Variants in ADAMTSL3 observed in about 807,000 individuals in gnomAD.
The protein encoded by ADAMTSL3 is ADAMTS-like protein 3.
In ADAMTSL3, 128 loss-of-function variants were observed where a neutral mutation model predicts 201.7. That is an observed-to-expected ratio of 0.63 (90% CI 0.55 to 0.73). The LOEUF (loss-of-function observed/expected upper bound fraction) is 0.73. Ranked by LOEUF, ADAMTSL3 falls within the 30% of genes least tolerant of loss-of-function variation. The pLI is 0.00. For synonymous variants in ADAMTSL3, 738 were observed against 748.4 expected (o/e 0.99, Z 0.23); for missense variants, 1,990 against 2,119.6 (o/e 0.94, Z 1.20).
chr15:83,837,577 T>G lies in ADAMTSL3; in HGVS notation c.601-512T>G, dbSNP rs572667972. On this transcript the variant is annotated intron_variant, in intron 6 of 29. Transcript: ENST00000286744. Reference sequence around the variant, plus strand: ...AGGAGGATCACTTGAGCCCAGGAATTCAAGACCAGCCTGGGCAGCATAGGG... The same window carrying G: ...AGGAGGATCACTTGAGCCCAGGAATGCAAGACCAGCCTGGGCAGCATAGGG... 5.3e-5 allele frequency among the ~76,000 whole-genome samples: 8 copies of G among 152,196 alleles called. No individual in the cohort carries two copies. In the East Asian group the frequency reaches 1.6e-3, roughly 30 times the overall value.
intron 19 of ADAMTSL3, chr15:83,962,202 GC>G (rs1323466668): frequency 1.3e-5 from 2 of 152,098 alleles, no homozygotes; most frequent in Non-Finnish European, 2.9e-5. Context: ...TTTGTCTTCT[GC>G]CATGATTGTG....
At chr15:83,705,893 A>G (rs189553440) in intron 3 of ADAMTSL3, among the ~76,000 whole-genome samples, 3 of 152,274 alleles carry the variant, frequency 2.0e-5, no homozygotes, top group East Asian at 1.9e-4. Flanking sequence ...TCAACATTCA[A>G]TCATATTTTC....
At chr15:83,845,635 T>TA (rs542175010) in intron 7 of ADAMTSL3, among the ~76,000 whole-genome samples, 48 of 151,354 alleles carry the variant, frequency 3.2e-4, no homozygotes, top group African/African-American at 7.8e-4. Context: ...TGTTCATTGT[T>TA]AAAAAAAAAT....
chr15:83,801,194 A>G (rs1268102194), intron 4 of ADAMTSL3, among the ~76,000 whole-genome samples: 1 of 152,220 alleles, frequency 6.6e-6, no homozygotes, highest in Non-Finnish European at 1.5e-5. Flanking sequence ...TGGCCAACCC[A>G]TTGTGATAAT....
At chr15:83,837,361 A>G (rs1312386337) in intron 6 of ADAMTSL3, among the ~76,000 whole-genome samples, 1 of 152,126 alleles carries the variant, frequency 6.6e-6, no homozygotes, top group African/African-American at 2.4e-5. Flanking sequence ...AAGTAAAACT[A>G]TGAACCAGAA....
At chr15:83,729,985 C>A (rs930121566) in intron 3 of ADAMTSL3, among the ~76,000 whole-genome samples, 1 of 152,040 alleles carries the variant, frequency 6.6e-6, no homozygotes, top group Non-Finnish European at 1.5e-5. Context: ...TTAATGGGCA[C>A]CCCAAGCCCA....
At chr15:83,820,079 T>TG in intron 6 of ADAMTSL3, 32 bp downstream of exon 6, 1 of 1,544,168 alleles carries the variant, frequency 6.5e-7, no homozygotes, top group Non-Finnish European at 9.0e-7. Flanking sequence ...TCCCCTGCTT[T>TG]GGGGATGTGC....
chr15:83,759,229 AT>A (rs57969361), intron 3 of ADAMTSL3, among the ~76,000 whole-genome samples: 293 of 145,604 alleles, frequency 2.0e-3, no homozygotes, highest in Middle Eastern at 3.5e-3. Flanking sequence ...TTTGAATGAC[AT>A]TTTTTTTTTT....
At chr15:83,786,378 A>G (rs2063263276) in intron 4 of ADAMTSL3, among the ~76,000 whole-genome samples, 2 of 152,204 alleles carry the variant, frequency 1.3e-5, no homozygotes, top group African/African-American at 4.8e-5. Flanking sequence ...ATGCAGTAAT[A>G]CAATGCATAA....
At chr15:83,993,691 C>T (rs2067625752) in intron 23 of ADAMTSL3, among the ~76,000 whole-genome samples, 1 of 152,172 alleles carries the variant, frequency 6.6e-6, no homozygotes, top group African/African-American at 2.4e-5. Context: ...TAAAAGTCCA[C>T]ATATTTGCCT....
intron 2 of ADAMTSL3, among the ~76,000 whole-genome samples, chr15:83,669,055 CA>C (rs1416406404): frequency 1.3e-5 from 2 of 152,228 alleles, no homozygotes; most frequent in Non-Finnish European, 1.5e-5. Flanking sequence ...GAGGGCAGAG[CA>C]AATTATACAG....
chr15:83,797,381 G>GAT (rs746865952), intron 4 of ADAMTSL3, among the ~76,000 whole-genome samples: 1 of 152,174 alleles, frequency 6.6e-6, no homozygotes, highest in Non-Finnish European at 1.5e-5. Flanking sequence ...GGGAGGCCAC[G>GAT]ATGCGCGGAT....
Position 84,036,856 on chromosome 15 carries a change from G to A in ADAMTSL3, c.4838G>A (p.Cys1613Tyr). 1 of 1,614,130 alleles carries A rather than the reference G, an allele frequency of 6.2e-7. No homozygotes were observed. The highest frequency in any genetic ancestry group is 1.1e-5 in the South Asian group (1 of 91,076). Residue 1613 changes from cysteine (C) to tyrosine (Y), a missense_variant, in exon 29 of 30, where the codon TGT (cysteine) becomes TAT (tyrosine). Coordinates refer to ENST00000286744, the MANE Select transcript of ADAMTSL3 (RefSeq NM_207517.3). ...CCTTGGAAGCCCTGTACAGCAGCCTGTGGCAGGGGTTTCCAGTCTCGGAAA... is the reference window on the plus strand; with the variant it reads ...CCTTGGAAGCCCTGTACAGCAGCCTATGGCAGGGGTTTCCAGTCTCGGAAA... The part of the protein sequence containing the change: ...TGPWKPCTAA[C>Y]GRGFQSRKVD...
rs139566059 is a variant in ADAMTSL3 at position 83,744,856 on chromosome 15, A to G, written c.190-28667A>G. On this transcript the variant is annotated intron_variant, in intron 3 of 29. Coordinates refer to ENST00000286744, the MANE Select transcript of ADAMTSL3 (RefSeq NM_207517.3). ...TAGAGAAGCCATTTGTGTAATGTCA[A>G]AAGAGTGTGTTTGTTTATTATATCG... Among the ~76,000 whole-genome samples, 322 of 152,294 alleles carry G rather than the reference A, an allele frequency of 2.1e-3. 4 individuals are homozygous for G. The highest frequency in any genetic ancestry group is 4.1e-3 in the East Asian group (21 of 5,184).
At chr15:83,955,995 A>G (rs1000420456) in intron 19 of ADAMTSL3, among the ~76,000 whole-genome samples, 1 of 152,036 alleles carries the variant, frequency 6.6e-6, no homozygotes, top group Non-Finnish European at 1.5e-5. Context: ...AGACTTGCCT[A>G]AGAATCTGAG....
chr15:84,035,632 C>G (rs1173365221), intron 28 of ADAMTSL3, among the ~76,000 whole-genome samples: 1 of 152,230 alleles, frequency 6.6e-6, no homozygotes, highest in African/African-American at 2.4e-5. Flanking sequence ...GCAATACTCT[C>G]AGAGTTCTTG....
At chr15:83,944,439 G>GA (rs2066618477) in intron 19 of ADAMTSL3, among the ~76,000 whole-genome samples, 1 of 152,138 alleles carries the variant, frequency 6.6e-6, no homozygotes, top group South Asian at 2.1e-4. Flanking sequence ...CCCAACATCA[G>GA]AACTAACCTC....
intron 7 of ADAMTSL3, among the ~76,000 whole-genome samples, chr15:83,851,174 A>G (rs983960622): frequency 1.3e-5 from 2 of 152,222 alleles, no homozygotes; most frequent in African/African-American, 4.8e-5. Context: ...GACTTCTACA[A>G]ATGTATGAAA....
At chr15:83,912,956 A>G (rs1048457566) in intron 15 of ADAMTSL3, 136 bp from the exon 16 acceptor site, 7 of 899,600 alleles carry the variant, frequency 7.8e-6, no homozygotes, top group Non-Finnish European at 1.2e-5. Context: ...ACAAAAGTAT[A>G]AAATTCCAAA....
Sources: allele counts gnomAD v4.1 joint callset (sites outside exome capture counted in the v4.1 genomes callset), GRCh38; gene constraint gnomAD v4.1.1; transcripts MANE v1.5; gene names NCBI Gene and HGNC (gene_info 2026-07-23, HGNC 2026-07-21).